WWOX: variants seen among roughly 807,000 people sequenced by gnomAD.
WWOX encodes WW domain containing oxidoreductase, also known as WW domain-containing oxidoreductase.
In WWOX, 69 loss-of-function variants were observed where a neutral mutation model predicts 46.2. That is an observed-to-expected ratio of 1.49 (90% CI 1.23 to 1.82). The LOEUF is 1.82. Ranked by LOEUF, WWOX falls within the 40% of genes most tolerant of loss-of-function variation. The pLI, the probability that WWOX is intolerant of heterozygous loss-of-function variation, is 0.00. For synonymous variants in WWOX, 359 were observed against 202.6 expected, an observed-to-expected ratio of 1.77 and a Z score of -6.56; for missense variants, 919 against 542.6, an observed-to-expected ratio of 1.69 and a Z score of -6.89.
chr16:78,810,610 A>G (rs2051163456), intron 8 of WWOX, among the ~76,000 whole-genome samples: 2 of 152,184 alleles, frequency 1.3e-5, no homozygotes, highest in Admixed American at 1.3e-4. Context: ...GTGCTGGAGT[A>G]TTTTACCTCC....
intron 8 of WWOX, among the ~76,000 whole-genome samples, chr16:78,805,561 G>A (rs994135019): frequency 6.6e-6 from 1 of 151,150 alleles, no homozygotes; most frequent in African/African-American, 2.5e-5. Flanking sequence ...GGGATTACAG[G>A]CGTGAGCTGA....
chr16:78,278,501 A>G, intron 5 of WWOX: 1 of 1,195,276 alleles, frequency 8.4e-7, no homozygotes, highest in South Asian at 1.4e-5. Flanking sequence ...TGAATTTGTT[A>G]ATTAATTAGC....
intron 8 of WWOX, among the ~76,000 whole-genome samples, chr16:79,145,287 C>G (rs2150723028): frequency 6.6e-6 from 1 of 152,214 alleles, no homozygotes; most frequent in South Asian, 2.1e-4. Context: ...GTGATAAAGC[C>G]AACCAACCAA....
chr16:78,362,887 C>G (rs1204556007), intron 5 of WWOX, among the ~76,000 whole-genome samples: 1 of 152,094 alleles, frequency 6.6e-6, no homozygotes, highest in East Asian at 1.9e-4. Flanking sequence ...TTGCTAAATG[C>G]GTAAAGGAGG....
chr16:78,335,864 G>A (rs1567509197), intron 5 of WWOX, among the ~76,000 whole-genome samples: 1 of 152,132 alleles, frequency 6.6e-6, no homozygotes, highest in Admixed American at 6.5e-5. Flanking sequence ...GGCCGAGGCG[G>A]GTGGATCGCT....
At chr16:78,711,252 A>G (rs193024470) in intron 8 of WWOX, among the ~76,000 whole-genome samples, 4 of 152,208 alleles carry the variant, frequency 2.6e-5, no homozygotes, top group Non-Finnish European at 5.9e-5. Flanking sequence ...GTTCAAAGTG[A>G]TGTGGATGTA....
chr16:78,821,205 C>T (rs758571691), intron 8 of WWOX, among the ~76,000 whole-genome samples: 1 of 152,154 alleles, frequency 6.6e-6, no homozygotes, highest in African/African-American at 2.4e-5. Context: ...TCACACCCAT[C>T]TACTTATCCC....
chr16:79,098,211 A>G (rs2150622575), intron 8 of WWOX, among the ~76,000 whole-genome samples: 1 of 152,324 alleles, frequency 6.6e-6, no homozygotes, highest in Non-Finnish European at 1.5e-5. Context: ...AGAGACATTC[A>G]TTTGATTGCA....
chr16:78,407,395 T>C (rs77594950), intron 6 of WWOX, among the ~76,000 whole-genome samples: 2,894 of 152,314 alleles, frequency 0.019, 97 homozygotes, highest in African/African-American at 0.067. Flanking sequence ...CTCATTCCTT[T>C]GCTGTGTCTG....
chr16:79,129,061 C>A (rs143051937), intron 8 of WWOX, among the ~76,000 whole-genome samples: 1 of 152,164 alleles, frequency 6.6e-6, no homozygotes, highest in South Asian at 2.1e-4. Context: ...TCTGTTTCTT[C>A]TTTTATGCTG....
chr16:78,180,665 G>C (rs2042352), intron 5 of WWOX, among the ~76,000 whole-genome samples: 49,411 of 151,530 alleles, frequency 0.33, 8,290 homozygotes, highest in African/African-American at 0.42. Context: ...CAGCCGCACC[G>C]GAGAGTTGTG....
intron 8 of WWOX, among the ~76,000 whole-genome samples, chr16:78,947,893 T>C (rs1355125130): frequency 6.6e-6 from 1 of 152,144 alleles, no homozygotes; most frequent in Non-Finnish European, 1.5e-5. Flanking sequence ...TTCAGGTTGA[T>C]TTACCTTGCT....
intron 8 of WWOX, among the ~76,000 whole-genome samples, chr16:78,521,400 G>C (rs562412385): frequency 1.3e-5 from 2 of 152,096 alleles, no homozygotes; most frequent in Non-Finnish European, 2.9e-5. Context: ...GTGGTGATGG[G>C]GATATTCCAG....
intron 4 of WWOX, among the ~76,000 whole-genome samples, chr16:78,129,643 T>C (rs2033510320): frequency 6.6e-6 from 1 of 151,978 alleles, no homozygotes; most frequent in Non-Finnish European, 1.5e-5. Context: ...GCCTGGAGCC[T>C]GGATCTGGCC....
At chr16:79,168,253 A>G (rs1446163627) in intron 8 of WWOX, among the ~76,000 whole-genome samples, 1 of 152,064 alleles carries the variant, frequency 6.6e-6, no homozygotes, top group African/African-American at 2.4e-5. Context: ...TTAGGGGTGG[A>G]ATTGCTGGGT....
chr16:78,470,201 A>G (rs917813682), intron 8 of WWOX, among the ~76,000 whole-genome samples: 1 of 152,174 alleles, frequency 6.6e-6, no homozygotes, highest in Non-Finnish European at 1.5e-5. Context: ...TGGTGGAAGA[A>G]GTAGGAATTT....
At chr16:79,196,190 G>C (rs1003361858) in intron 8 of WWOX, among the ~76,000 whole-genome samples, 1 of 152,240 alleles carries the variant, frequency 6.6e-6, no homozygotes, top group Non-Finnish European at 1.5e-5. Context: ...TGAACAGTGA[G>C]AGACCAAGGT....
chr16:78,691,791 T>C (rs1341080896), intron 8 of WWOX, among the ~76,000 whole-genome samples: 2 of 152,172 alleles, frequency 1.3e-5, no homozygotes, highest in East Asian at 3.9e-4. Flanking sequence ...GCTCCCAGTT[T>C]ATAGGTGAGT....
At chr16:78,311,877 C>G (rs1177643532) in intron 5 of WWOX, among the ~76,000 whole-genome samples, 2 of 152,124 alleles carry the variant, frequency 1.3e-5, no homozygotes, top group Non-Finnish European at 1.5e-5. Flanking sequence ...TCTTAAAGTT[C>G]TGGAGGTCAG....
Sources: gnomAD v4.1 joint callset for allele counts (sites outside exome capture counted in the v4.1 genomes callset) on GRCh38, gnomAD v4.1.1 for gene constraint, MANE v1.5 for transcripts, NCBI Gene and HGNC (gene_info 2026-07-23, HGNC 2026-07-21) for gene names.